FGF12: variants seen among roughly 807,000 people sequenced by gnomAD.
The protein encoded by FGF12 is fibroblast growth factor 12, also known as fibroblast growth factor 12B.
Under a neutral mutation model 23.6 loss-of-function variants are expected in FGF12, and 14 were observed. The ratio of observed to expected loss-of-function variants is 0.59; its 90% confidence interval spans 0.39 to 0.93. The LOEUF (loss-of-function observed/expected upper bound fraction) is 0.93. Ranked by LOEUF, FGF12 falls within the 40% of genes least tolerant of loss-of-function variation. The pLI, the probability that FGF12 is intolerant of heterozygous loss-of-function variation, is 0.00. For synonymous variants in FGF12, 62 were observed against 77.3 expected (o/e 0.80, Z 1.04); for missense variants, 175 against 217.8 (o/e 0.80, Z 1.24).
rs190318158 is a variant in FGF12 at position 192,297,749 on chromosome 3, A to G, written c.228+37612T>C. Among the ~76,000 whole-genome samples the G allele has an allele frequency of 9.8e-5, 15 of 152,316 alleles. No homozygotes were observed. The East Asian group carries it at 2.9e-3, about 29-fold the overall frequency. ...AAAAGGAATCTCATTTTGAAATAGA[A>G]TCTCTATTTGAAATAGAATCTCTAA... is the stretch of plus-strand genomic sequence containing the variant. On this transcript the variant is annotated intron_variant, in intron 4 of 5. Transcript: ENST00000445105.
At chr3:192,572,823 A>G (rs1712700600) in intron 2 of FGF12, among the ~76,000 whole-genome samples, 1 of 152,204 alleles carries the variant, frequency 6.6e-6, no homozygotes, top group African/African-American at 2.4e-5. Context: ...TGTCATCACA[A>G]TGGCAATGTA....
At chr3:192,309,335 G>GT (rs1715816817) in intron 4 of FGF12, among the ~76,000 whole-genome samples, 1 of 152,172 alleles carries the variant, frequency 6.6e-6, no homozygotes, top group Non-Finnish European at 1.5e-5. Flanking sequence ...AGTGGCTACA[G>GT]TGAGGACACA....
chr3:192,705,444 A>G (rs191003494), intron 2 of FGF12, among the ~76,000 whole-genome samples: 6 of 152,330 alleles, frequency 3.9e-5, no homozygotes, highest in African/African-American at 1.2e-4. Context: ...TGAGAAGTCA[A>G]TTATGTCTAC....
intron 4 of FGF12, 34 bp from the exon 5 acceptor site, chr3:192,170,690 G>T: frequency 6.5e-7 from 1 of 1,549,026 alleles, no homozygotes; most frequent in Non-Finnish European, 8.7e-7. Flanking sequence ...ACAAAAAAGA[G>T]AAATGATTTA....
At chr3:192,637,523 T>C (rs1271905232) in intron 2 of FGF12, among the ~76,000 whole-genome samples, 1 of 152,208 alleles carries the variant, frequency 6.6e-6, no homozygotes, top group Non-Finnish European at 1.5e-5. Flanking sequence ...GGTAGACCTC[T>C]CTGCATTCAG....
chr3:192,387,600 C>T (rs1336547022), intron 2 of FGF12, among the ~76,000 whole-genome samples: 1 of 151,830 alleles, frequency 6.6e-6, no homozygotes, highest in Non-Finnish European at 1.5e-5. Flanking sequence ...GTAATCCCAG[C>T]ACTTTAGGAG....
intron 2 of FGF12, among the ~76,000 whole-genome samples, chr3:192,403,927 A>G (rs1035491730): frequency 3.3e-5 from 5 of 152,162 alleles, no homozygotes; most frequent in African/African-American, 7.2e-5. Flanking sequence ...GAATACTGAA[A>G]TATTTTGAAT....
At chr3:192,220,079 C>T (rs765185911) in intron 4 of FGF12, among the ~76,000 whole-genome samples, 1 of 152,036 alleles carries the variant, frequency 6.6e-6, no homozygotes, top group Non-Finnish European at 1.5e-5. Context: ...GCCCTCATTA[C>T]TTCTTATCTT....
At chr3:192,659,006 C>T (rs1327904909) in intron 2 of FGF12, among the ~76,000 whole-genome samples, 1 of 152,188 alleles carries the variant, frequency 6.6e-6, no homozygotes, top group African/African-American at 2.4e-5. Context: ...CAAGCTGCTT[C>T]CCTATGTGCC....
intron 2 of FGF12, among the ~76,000 whole-genome samples, chr3:192,364,264 T>A (rs897750622): frequency 6.6e-6 from 1 of 152,194 alleles, no homozygotes; most frequent in African/African-American, 2.4e-5. Flanking sequence ...ACAAATAGGG[T>A]CAATGGAATA....
chr3:192,289,374 G>A (rs1179268161), intron 4 of FGF12, among the ~76,000 whole-genome samples: 1 of 152,106 alleles, frequency 6.6e-6, no homozygotes, highest in Admixed American at 6.6e-5. Flanking sequence ...AACAAAATAG[G>A]TAACGTGACT....
chr3:192,432,340 G>A (rs1466329215), intron 2 of FGF12, among the ~76,000 whole-genome samples: 1 of 152,114 alleles, frequency 6.6e-6, no homozygotes, highest in African/African-American at 2.4e-5. Flanking sequence ...TGACGGTAAG[G>A]CCAGACCTTA....
rs117058673 is a variant in FGF12, at chr3:192,233,309, T to C, written c.229-62653A>G. The stretch of plus-strand genomic sequence containing the variant: ...TTACATTTCTCTAATGTTAGTGATG[T>C]TGAACATTTTTCATATGCTTGTTGG... On this transcript the variant is annotated intron_variant, in intron 4 of 5. Transcript: ENST00000445105. 9.6e-4 allele frequency among the ~76,000 whole-genome samples: 147 copies of C among 152,332 alleles called. 3 individuals carry two copies. The East Asian group carries it at 0.028, about 29-fold the overall frequency.
chr3:192,259,116 A>G (rs1410814172), intron 4 of FGF12, among the ~76,000 whole-genome samples: 1 of 152,112 alleles, frequency 6.6e-6, no homozygotes, highest in Admixed American at 6.5e-5. Flanking sequence ...AATTCATTAT[A>G]CCCAAGGGCA....
chr3:192,185,940 C>A (rs1027304599), intron 4 of FGF12, among the ~76,000 whole-genome samples: 2 of 151,176 alleles, frequency 1.3e-5, no homozygotes, highest in South Asian at 4.2e-4. Context: ...AAAATATTCA[C>A]TCATTGGTGA....
chr3:192,637,680 CAGAAT>C (rs1377095442), intron 2 of FGF12, among the ~76,000 whole-genome samples: 3 of 151,934 alleles, frequency 2.0e-5, no homozygotes, highest in Non-Finnish European at 2.9e-5. Context: ...TTTTGAGTCA[CAGAAT>C]AGAATTCTTT....
rs1718682396 is a variant in FGF12 at position 192,360,686 on chromosome 3, A to G, written c.14-148T>C. 1.6e-6 allele frequency: 1 copy of G among 621,952 alleles called. No homozygotes were observed. Among genetic ancestry groups the G allele is most frequent in the Non-Finnish European group, 2.9e-6 (1 of 347,110 alleles). 38.5% of individuals were successfully genotyped at this position (621,952 alleles called of 1,614,324 possible). ...TTTGGGAGTTGGGTGTTTCAGTAAC[A>G]TATCTATGCTTTTTTTTTTCCATTT... On this transcript the variant is annotated intron_variant, in intron 2 of 5. Coordinates refer to ENST00000445105, the MANE Select transcript of FGF12 (RefSeq NM_004113.6). This position sits in a 1 kb window ranked among gnomAD's most constrained non-coding sequence, Gnocchi z 4.3.
chr3:192,680,837 T>C (rs1717501452), intron 2 of FGF12, among the ~76,000 whole-genome samples: 2 of 152,216 alleles, frequency 1.3e-5, no homozygotes, highest in Admixed American at 6.5e-5. Context: ...CATTAGATGC[T>C]AGACTCATAA....
intron 4 of FGF12, among the ~76,000 whole-genome samples, chr3:192,296,641 T>G (rs530775337): frequency 6.6e-6 from 1 of 152,330 alleles, no homozygotes; most frequent in South Asian, 2.1e-4. Flanking sequence ...TTTATTTCTT[T>G]GTAAAGAACA....
Sources: gnomAD v4.1 joint callset for allele counts (sites outside exome capture counted in the v4.1 genomes callset) on GRCh38, gnomAD v4.1.1 for gene constraint, Gnocchi (gnomAD v3.1) non-coding constraint, MANE v1.5 for transcripts, NCBI Gene and HGNC (gene_info 2026-07-23, HGNC 2026-07-21) for gene names.